Variants in PRELID2 observed in about 807,000 individuals in gnomAD.
PRELID2 encodes the protein PRELI domain containing 2, also known as PRELI domain-containing protein 2.
A neutral mutation model predicts 28.4 loss-of-function variants in PRELID2; 25 were observed. The ratio of observed to expected loss-of-function variants is 0.88; its 90% CI spans 0.64 to 1.23. The LOEUF (loss-of-function observed/expected upper bound fraction) is 1.23. Ranked by LOEUF, PRELID2 falls within the 50% of genes most tolerant of loss-of-function variation. PRELID2 has a pLI of 0.00. For synonymous variants in PRELID2, 76 were observed against 71.6 expected, an observed-to-expected ratio of 1.06 and a Z score of -0.31; for missense variants, 201 against 214.4, an observed-to-expected ratio of 0.94 and a Z score of 0.39.
intron 1 of PRELID2, among the ~76,000 whole-genome samples, chr5:145,549,802 G>GAA (rs34956308): frequency 7.9e-6 from 1 of 126,908 alleles, no homozygotes; most frequent in African/African-American, 2.9e-5. Context: ...CTCAAAAAAA[G>GAA]AAAAAAAAAA....
the PRELID2 span, among the ~76,000 whole-genome samples, chr5:145,390,056 T>G: frequency 6.6e-6 from 1 of 152,194 alleles, no homozygotes; most frequent in Non-Finnish European, 1.5e-5. Flanking sequence ...ATTAGGAAGA[T>G]AGCTGCATAA....
At chr5:145,279,898 T>C in the PRELID2 span, among the ~76,000 whole-genome samples, 1 of 151,956 alleles carries the variant, frequency 6.6e-6, no homozygotes, top group Non-Finnish European at 1.5e-5. Flanking sequence ...GAAAACTTCA[T>C]CATGGATTTT....
chr5:145,779,398 T>C (rs960942333), intron 5 of PRELID2, among the ~76,000 whole-genome samples: 3 of 152,106 alleles, frequency 2.0e-5, no homozygotes, highest in Admixed American at 6.5e-5. Flanking sequence ...TCATTTATAA[T>C]GGTAAAAGTG....
chr5:145,775,278 C>A (rs1024543962), intron 5 of PRELID2, among the ~76,000 whole-genome samples: 15 of 151,990 alleles, frequency 9.9e-5, no homozygotes, highest in Admixed American at 9.8e-4. Flanking sequence ...CAGCTTCACA[C>A]CCTGATTTTT....
At chr5:145,527,977 T>C (rs1484067533) in intron 1 of PRELID2, among the ~76,000 whole-genome samples, 3 of 152,092 alleles carry the variant, frequency 2.0e-5, no homozygotes, top group South Asian at 4.1e-4. Context: ...GCTTTAACCA[T>C]AATTACTCTC....
the PRELID2 span, among the ~76,000 whole-genome samples, chr5:145,304,884 T>C: frequency 1.3e-5 from 2 of 152,238 alleles, no homozygotes; most frequent in Admixed American, 6.5e-5. Flanking sequence ...CACACACACA[T>C]ATATATAGTA....
intron 1 of PRELID2, among the ~76,000 whole-genome samples, chr5:145,638,590 T>G (rs1390308878): frequency 2.6e-5 from 4 of 152,206 alleles, no homozygotes; most frequent in Non-Finnish European, 5.9e-5. Context: ...TAACAGTGTT[T>G]GTTGAGTGAG....
chr5:145,422,393 C>CTTGCT, the PRELID2 span, among the ~76,000 whole-genome samples: 1 of 152,178 alleles, frequency 6.6e-6, no homozygotes, highest in African/African-American at 2.4e-5. Context: ...TCACTCAGGA[C>CTTGCT]TTGCTTTGTG....
At chr5:145,825,365 T>C (rs945085293) in intron 1 of PRELID2, among the ~76,000 whole-genome samples, 6 of 151,848 alleles carry the variant, frequency 4.0e-5, no homozygotes, top group African/African-American at 4.8e-5. Context: ...AAGGAGACTT[T>C]CGCTTACACA....
intron 5 of PRELID2, among the ~76,000 whole-genome samples, chr5:145,792,515 C>T (rs1013818896): frequency 6.6e-6 from 1 of 152,196 alleles, no homozygotes; most frequent in East Asian, 1.9e-4. Context: ...CATTCATTGT[C>T]TGTCCTGCTT....
intron 1 of PRELID2, among the ~76,000 whole-genome samples, chr5:145,613,971 A>C (rs1753659567): frequency 6.6e-6 from 1 of 152,212 alleles, no homozygotes; most frequent in South Asian, 2.1e-4. Flanking sequence ...TTAAGTCCTT[A>C]ATCCATCTTG....
chr5:145,241,405 C>T, the PRELID2 span, among the ~76,000 whole-genome samples: 1 of 151,998 alleles, frequency 6.6e-6, no homozygotes, highest in South Asian at 2.1e-4. Flanking sequence ...TCCACCACCA[C>T]CAACCACATG....
chr5:145,690,309 T>C (rs1337153077), intron 1 of PRELID2, among the ~76,000 whole-genome samples: 1 of 152,154 alleles, frequency 6.6e-6, no homozygotes, highest in African/African-American at 2.4e-5. Flanking sequence ...TCCTCTTCCC[T>C]AACCCTTCAT....
intron 1 of PRELID2, among the ~76,000 whole-genome samples, chr5:145,492,639 TCA>T (rs2126627854): frequency 7.0e-6 from 1 of 141,944 alleles, no homozygotes; most frequent in African/African-American, 2.5e-5. Flanking sequence ...TTCTAAAGTT[TCA>T]CAGTTTTGAG....
intron 1 of PRELID2, among the ~76,000 whole-genome samples, chr5:145,688,714 C>T (rs183907666): frequency 1.2e-3 from 177 of 152,334 alleles, no homozygotes; most frequent in African/African-American, 4.2e-3. Context: ...ATTGGAAGAA[C>T]TTAAGGAAGA....
At chr5:145,475,597 G>A (rs867337379) in intron 1 of PRELID2, among the ~76,000 whole-genome samples, 12 of 152,078 alleles carry the variant, frequency 7.9e-5, no homozygotes, top group African/African-American at 2.9e-4. Flanking sequence ...CACAGCACAG[G>A]CTAATGTAAA....
chr5:145,415,621 T>TCCATGCTGCATAGTATTCC, the PRELID2 span, among the ~76,000 whole-genome samples: 1 of 150,942 alleles, frequency 6.6e-6, no homozygotes, highest in East Asian at 1.9e-4. Context: ...CATCATTTTT[T>TCCATGCTGCATAGTATTCC]ATGGCTGCAT....
intron 6 of PRELID2, among the ~76,000 whole-genome samples, chr5:145,764,409 T>TA (rs1757624692): frequency 1.3e-5 from 2 of 152,244 alleles, no homozygotes; most frequent in East Asian, 3.9e-4. Flanking sequence ...AAGGCACTCT[T>TA]ACCCAGAGCC....
the PRELID2 span, among the ~76,000 whole-genome samples, chr5:145,425,130 T>C: frequency 6.6e-6 from 1 of 151,294 alleles, no homozygotes; most frequent in South Asian, 2.1e-4. Flanking sequence ...AAAGAAGACA[T>C]ACGTATGGCC....
Sources: gnomAD v4.1 joint callset for allele counts (sites outside exome capture counted in the v4.1 genomes callset) on GRCh38, gnomAD v4.1.1 for gene constraint, MANE v1.5 for transcripts, NCBI Gene and HGNC (gene_info 2026-07-23, HGNC 2026-07-21) for gene names.